The following DNAH7 variants were observed in gnomAD, a reference collection of about 807,000 sequenced individuals.
DNAH7 encodes dynein axonemal heavy chain 7, also known as axonemal beta dynein heavy chain 7.
In DNAH7, 397 loss-of-function variants were observed where a neutral mutation model predicts 444.6. The ratio of observed to expected loss-of-function variants is 0.89; its 90% CI spans 0.82 to 0.97. The LOEUF is 0.97. DNAH7 is among the 50% of genes least tolerant of loss of function. DNAH7 has a pLI of 0.00. For synonymous variants in DNAH7, 1,636 were observed against 1,624.4 expected (o/e 1.01, Z -0.17); for missense variants, 4,902 against 4,800.8 (o/e 1.02, Z -0.62).
chr2:195,888,392 C>G lies in DNAH7; in HGVS notation c.5272G>C (p.Gly1758Arg). The G allele has an allele frequency of 1.2e-6, 2 of 1,602,712 alleles. No homozygotes were observed. The highest frequency in any genetic ancestry group is 1.7e-6 in the Non-Finnish European group (2 of 1,176,946). ...GMIYMEPHML[G>R]WRPLMLSWVN... ...CAGGACAACATCAGTGGTCTCCAGC[C>G]TAACATGTGAGGCTCCATGTAAATC... Residue 1758 changes from glycine to arginine, a missense_variant, in exon 33 of 65, where the codon GGC (glycine) becomes CGC (arginine). By Grantham distance (125) the Gly-to-Arg change is moderately radical (BLOSUM62 -2). Coordinates refer to ENST00000312428, the MANE Select transcript of DNAH7 (RefSeq NM_018897.3).
At chr2:195,916,522 G>A (rs1341924209) in intron 24 of DNAH7, among the ~76,000 whole-genome samples, 3 of 130,990 alleles carry the variant, frequency 2.3e-5, no homozygotes, top group Non-Finnish European at 4.6e-5. Flanking sequence ...TAAAATAATA[G>A]TTGGTCATAG....
At chr2:195,788,994 G>C (rs1695750739) in intron 57 of DNAH7, among the ~76,000 whole-genome samples, 1 of 152,110 alleles carries the variant, frequency 6.6e-6, no homozygotes. Context: ...GTAGCAATAA[G>C]CTCCTCTAAC....
intron 46 of DNAH7, among the ~76,000 whole-genome samples, chr2:195,845,437 G>T (rs909747918): frequency 6.6e-6 from 1 of 152,134 alleles, no homozygotes; most frequent in Non-Finnish European, 1.5e-5. Flanking sequence ...ATTACCAATT[G>T]TTATTATAAA....
At chr2:195,979,810 G>C (rs766456296) in intron 15 of DNAH7, among the ~76,000 whole-genome samples, 1 of 151,742 alleles carries the variant, frequency 6.6e-6, no homozygotes, top group Non-Finnish European at 1.5e-5. Context: ...AAATTCAGAG[G>C]ATCATTAGAG....
chr2:195,878,957 G>A (rs1277643021), intron 36 of DNAH7, among the ~76,000 whole-genome samples: 2 of 151,922 alleles, frequency 1.3e-5, no homozygotes, highest in Admixed American at 6.6e-5. Flanking sequence ...TTTAAAAACT[G>A]AATTTAGAAA....
At position 195,957,405 on chromosome 2, in the gene DNAH7, ATCCAGAATC is replaced by A. The variant is rs781340375; in HGVS notation, c.2925_2933del (p.Glu975_Leu977del). 3 of 1,596,108 alleles carry A rather than the reference ATCCAGAATC, an allele frequency of 1.9e-6. No individual in the cohort carries two copies. In the African/African-American group the frequency reaches 4.0e-5, roughly 21 times the overall value. On this transcript the variant is annotated inframe_deletion, in exon 19 of 65. Coordinates refer to ENST00000312428, the MANE Select transcript of DNAH7 (RefSeq NM_018897.3). Reference sequence around the variant, plus strand: ...ACGTGGCTTGGACTTTGAGCCATTCATCCAGAATCTCCTGAAGCAGTAGGAGCTTGCCCT... The same window carrying A: ...ACGTGGCTTGGACTTTGAGCCATTCATCCTGAAGCAGTAGGAGCTTGCCCT...
chr2:195,752,690 G>C (rs1693858979), intron 63 of DNAH7, among the ~76,000 whole-genome samples: 1 of 152,088 alleles, frequency 6.6e-6, no homozygotes, highest in Non-Finnish European at 1.5e-5. Context: ...ATGAGATAAG[G>C]AAAATCAGGA....
chr2:196,003,438 T>C (rs1370562486), intron 10 of DNAH7, among the ~76,000 whole-genome samples: 5 of 152,212 alleles, frequency 3.3e-5, no homozygotes, highest in African/African-American at 1.2e-4. Context: ...AAAATATTTA[T>C]ATGACTCCCT....
In DNAH7 at chr2:195,905,568, G is replaced by A. The variant is rs114988297; in HGVS notation, c.4335+1091C>T. On this transcript the variant is annotated intron_variant, in intron 27 of 64. Coordinates refer to ENST00000312428, the MANE Select transcript of DNAH7 (RefSeq NM_018897.3). ...AAGTGTGGAAGTAATATAGGATCTAGTCAGGAGATTTGGTTTTGGATCCAC... is the reference window on the plus strand; with the variant it reads ...AAGTGTGGAAGTAATATAGGATCTAATCAGGAGATTTGGTTTTGGATCCAC... 217 of 152,282 alleles carry A rather than the reference G, an allele frequency of 1.4e-3. 1 individual carries two copies. Among genetic ancestry groups the A allele is most frequent in the African/African-American group, 4.8e-3 (198 of 41,552 alleles). 9.4% of individuals were successfully genotyped at this position (152,282 alleles called of 1,614,324 possible).
intron 23 of DNAH7, 121 bp downstream of exon 23, chr2:195,923,474 G>C (rs896754035): frequency 3.5e-6 from 3 of 869,486 alleles, no homozygotes; most frequent in Admixed American, 4.5e-5. Flanking sequence ...CTTGGGTATA[G>C]TCTGCCATCA....
chr2:195,836,532 C>T (rs774925111), intron 47 of DNAH7, among the ~76,000 whole-genome samples: 35 of 150,914 alleles, frequency 2.3e-4, no homozygotes, highest in Non-Finnish European at 4.0e-4. Flanking sequence ...TCTCCAAATA[C>T]GGTCACATGG....
chr2:195,744,246 G>C (rs984545947), intron 63 of DNAH7, among the ~76,000 whole-genome samples: 8 of 152,236 alleles, frequency 5.3e-5, no homozygotes, highest in African/African-American at 1.9e-4. Flanking sequence ...TACGCCCACG[G>C]AGTCTCGCTG....
intron 57 of DNAH7, among the ~76,000 whole-genome samples, chr2:195,788,537 G>A (rs1245669724): frequency 2.6e-5 from 4 of 152,168 alleles, no homozygotes; most frequent in Admixed American, 2.6e-4. Flanking sequence ...AGCAGGGGAA[G>A]GGTTTCCCTC....
intron 21 of DNAH7, among the ~76,000 whole-genome samples, chr2:195,933,266 G>T (rs1688824510): frequency 6.6e-6 from 1 of 152,186 alleles, no homozygotes; most frequent in African/African-American, 2.4e-5. Context: ...TGCTGGAGAG[G>T]ATGTGGAGAA....
chr2:195,870,701 C>T (rs1700627580), intron 40 of DNAH7, among the ~76,000 whole-genome samples: 1 of 152,166 alleles, frequency 6.6e-6, no homozygotes, highest in Admixed American at 6.5e-5. Context: ...GAGCCCATTG[C>T]CCCTTCCACC....
At chr2:195,757,358 AT>A (rs1694128413) in intron 61 of DNAH7, among the ~76,000 whole-genome samples, 1 of 152,194 alleles carries the variant, frequency 6.6e-6, no homozygotes, top group Admixed American at 6.5e-5. Flanking sequence ...CTAGTTGACC[AT>A]TTCCCATTTT....
At chr2:195,895,579 T>C (rs1441953703) in intron 29 of DNAH7, among the ~76,000 whole-genome samples, 3 of 152,012 alleles carry the variant, frequency 2.0e-5, no homozygotes, top group African/African-American at 7.3e-5. Context: ...GCTGGGACTA[T>C]AGGTGGCAGT....
intron 63 of DNAH7, among the ~76,000 whole-genome samples, chr2:195,749,635 T>C (rs10931711): frequency 0.69 from 102,575 of 148,910 alleles, 35,699 homozygotes; most frequent in Non-Finnish European, 0.73. Context: ...ATATACACCA[T>C]GGAATACTAT....
At chr2:195,979,818 G>C (rs1228721286) in intron 15 of DNAH7, among the ~76,000 whole-genome samples, 2 of 151,830 alleles carry the variant, frequency 1.3e-5, no homozygotes. Context: ...AGGATCATTA[G>C]AGGCTACTAA....
Sources: gnomAD v4.1 joint callset for allele counts (sites outside exome capture counted in the v4.1 genomes callset) on GRCh38, gnomAD v4.1.1 for gene constraint, MANE v1.5 for transcripts, NCBI Gene and HGNC (gene_info 2026-07-23, HGNC 2026-07-21) for gene names.